Variants in DHX36 observed in about 807,000 individuals in gnomAD.
DHX36 encodes the protein ATP-dependent DNA/RNA helicase DHX36.
Under a neutral mutation model 139.0 loss-of-function variants are expected in DHX36, and 50 were observed. The ratio of observed to expected loss-of-function variants is 0.36; its 90% CI spans 0.29 to 0.46. DHX36 has a LOEUF of 0.46. DHX36 is among the 20% of genes least tolerant of loss of function. DHX36 has a pLI of 1.00. For synonymous variants in DHX36, 425 were observed against 401.9 expected (o/e 1.06, Z -0.69); for missense variants, 1,024 against 1,211.3 (o/e 0.85, Z 2.29).
chr3:154,277,558 C>T, intron 23 of DHX36, 40 bp downstream of exon 23: 2 of 1,553,798 alleles, frequency 1.3e-6, no homozygotes, highest in Non-Finnish European at 1.7e-6. Context: ...TACAATGAGA[C>T]TGATAATCAG....
chr3:154,276,861 A>G lies in DHX36; in HGVS notation c.2727T>C (p.Cys909=), dbSNP rs1016722808. ...LYDCTEVSPY[C]LLFFGGDISI... Reference sequence around the variant, plus strand: ...AAATGTCACCTCCAAAAAACAAGAGACAGTATGGGGAAACCTCTGTGCAGT... The same window carrying G: ...AAATGTCACCTCCAAAAAACAAGAGGCAGTATGGGGAAACCTCTGTGCAGT... Residue 909 remains cysteine, a synonymous_variant, in exon 24 of 25, where the codon TGT becomes TGC. Transcript: ENST00000496811. 6.2e-7 allele frequency: 1 copy of G among 1,613,866 alleles called. No individual in the cohort carries two copies. Among genetic ancestry groups the G allele is most frequent in the Admixed American group, 1.7e-5 (1 of 59,982 alleles).
intron 12 of DHX36, among the ~76,000 whole-genome samples, chr3:154,299,401 TAG>T (rs1202408717): frequency 6.6e-6 from 1 of 152,202 alleles, no homozygotes; most frequent in Non-Finnish European, 1.5e-5. Context: ...TTCATTTCTC[TAG>T]AGTTTATATG....
intron 12 of DHX36, among the ~76,000 whole-genome samples, chr3:154,299,499 G>T (rs1368337762): frequency 6.6e-6 from 1 of 152,028 alleles, no homozygotes; most frequent in African/African-American, 2.4e-5. Flanking sequence ...TCTTAGATTT[G>T]GGGTGATGAT....
At chr3:154,305,288 T>A in intron 6 of DHX36, 120 bp from the exon 7 acceptor site, 1 of 838,436 alleles carries the variant, frequency 1.2e-6, no homozygotes, top group Non-Finnish European at 1.8e-6. Context: ...TCTTCACACT[T>A]AATTTTTTAC....
intron 14 of DHX36, 121 bp downstream of exon 14, chr3:154,293,621 AAAAAAG>A: frequency 1.5e-6 from 1 of 668,874 alleles, no homozygotes; most frequent in Non-Finnish European, 2.5e-6. Flanking sequence ...TCACTGCCAT[AAAAAAG>A]GTTTTATTTT....
intron 1 of DHX36, among the ~76,000 whole-genome samples, chr3:154,317,681 T>G (rs928608998): frequency 6.6e-6 from 1 of 152,040 alleles, no homozygotes; most frequent in Non-Finnish European, 1.5e-5. Flanking sequence ...AACTAGGCAG[T>G]TGGGAATGAT....
chr3:154,277,819 C>T, intron 22 of DHX36, 101 bp from the exon 23 acceptor site: 4 of 1,098,182 alleles, frequency 3.6e-6, no homozygotes, highest in South Asian at 5.4e-5. Context: ...TTGGTAAAAA[C>T]CAAACAAATC....
At position 154,276,770 on chromosome 3, in the gene DHX36, C is replaced by T. The variant is rs1364444849; in HGVS notation, c.2818G>A (p.Ala940Thr). 4 of 1,613,762 alleles carry T rather than the reference C, an allele frequency of 2.5e-6. No homozygotes were observed. Among genetic ancestry groups the T allele is most frequent in the Non-Finnish European group, 3.4e-6 (4 of 1,179,880 alleles). The change falls in exon 24 of 25, where the codon GCA becomes ACA. Residue 940 changes from alanine to threonine, a missense_variant. By Grantham distance (58) the Ala-to-Thr change is moderately conservative (BLOSUM62 0). This residue lies in a region of DHX36 where 470 missense variants were observed against 616.2 expected (regional missense o/e 0.76). Transcript: ENST00000496811. ...ACCTTAACAAGATGGGCAATTCTTG[C>T]TGGAGACTGAAATACAATCCACTCA... Reference protein sequence around the residue: ...VDEWIVFQSPARIAHLVKELR... With the variant: ...VDEWIVFQSPTRIAHLVKELR...
intron 6 of DHX36, among the ~76,000 whole-genome samples, chr3:154,305,615 A>C (rs1712467319): frequency 6.6e-6 from 1 of 152,104 alleles, no homozygotes; most frequent in African/African-American, 2.4e-5. Flanking sequence ...AAAAGTAAAA[A>C]AATTAGCCAG....
chr3:154,310,723 A>G (rs1712699003), intron 4 of DHX36, among the ~76,000 whole-genome samples: 1 of 138,694 alleles, frequency 7.2e-6, no homozygotes, highest in Admixed American at 7.5e-5. Flanking sequence ...AGTTTGCAGT[A>G]AGCCGAGATT....
rs1261160680 is a variant in DHX36 at position 154,276,203 on chromosome 3, G to C, written c.2995C>G (p.Pro999Ala). The change falls in exon 25 of 25, where the codon CCG becomes GCG. Residue 999 changes from proline to alanine, a missense_variant. By Grantham distance (27) the Pro-to-Ala change is conservative. Around this residue, in one of 4 missense-constraint regions of DHX36, gnomAD observed 470 missense variants for 616.2 expected, o/e 0.76. Coordinates refer to ENST00000496811, the MANE Select transcript of DHX36 (RefSeq NM_020865.3). ...TAATATCCATCCTGGAATCGTGGCG[G>C]AAAGTTCCTGGGAGTTGCCTTTTCC... ...TQEKATPRNF[P>A]PRFQDGYYS 2.5e-6 allele frequency: 4 copies of C among 1,612,544 alleles called. No homozygotes were observed. The highest frequency in any genetic ancestry group is 1.7e-6 in the Non-Finnish European group (2 of 1,179,416).
At chr3:154,295,550 A>C (rs1176279601) in intron 12 of DHX36, among the ~76,000 whole-genome samples, 1 of 152,214 alleles carries the variant, frequency 6.6e-6, no homozygotes. Context: ...TTATTTCTAC[A>C]TACAAACAGA....
rs182346564 is a variant in DHX36 at position 154,315,730 on chromosome 3, C to G, written c.368+309G>C. On this transcript the variant is annotated intron_variant, in intron 2 of 24. Coordinates refer to ENST00000496811, the MANE Select transcript of DHX36 (RefSeq NM_020865.3). The stretch of plus-strand genomic sequence containing the variant: ...TCTTGTAATCTTTCTAAAACGGTAG[C>G]AATTTCACTTCTTGCAGATCTCCCA... 1.2e-3 allele frequency among the ~76,000 whole-genome samples: 184 copies of G among 152,136 alleles called. 1 individual carries two copies. The highest frequency in any genetic ancestry group is 0.01 in the Admixed American group (157 of 15,282).
In DHX36 at chr3:154,305,021, C is replaced by T. The variant is rs756853170; in HGVS notation, c.969-49G>A. The T allele has an allele frequency of 3.8e-6, 6 of 1,593,852 alleles. No homozygotes were observed. The African/African-American group carries it at 8.2e-5, about 22-fold the overall frequency. ...AAATTTTAAAACCATTTTTCTTTAACAACTAGTAAAATCCAATTTAATAAT... is the reference window on the plus strand; with the variant it reads ...AAATTTTAAAACCATTTTTCTTTAATAACTAGTAAAATCCAATTTAATAAT... On this transcript the variant is annotated intron_variant, in intron 7 of 24. Coordinates refer to ENST00000496811, the MANE Select transcript of DHX36 (RefSeq NM_020865.3).
At chr3:154,309,908 T>C (rs1311499304) in intron 4 of DHX36, 85 bp from the exon 5 acceptor site, 12 of 1,050,734 alleles carry the variant, frequency 1.1e-5, no homozygotes, top group African/African-American at 3.3e-5. Flanking sequence ...AAACTGAACA[T>C]AGCTATTTTT....
chr3:154,317,957 T>C (rs1449063393), intron 1 of DHX36, among the ~76,000 whole-genome samples: 1 of 152,028 alleles, frequency 6.6e-6, no homozygotes. Flanking sequence ...CTGTATTCTA[T>C]CCCAATTAAA....
At chr3:154,276,672 A>T (rs1392172035) in intron 24 of DHX36, 75 bp downstream of exon 24, 2 of 1,412,640 alleles carry the variant, frequency 1.4e-6, no homozygotes, top group Non-Finnish European at 2.0e-6. Context: ...TAATCTATTT[A>T]ACAGTTAGAA....
rs557802496 is a variant in DHX36, at chr3:154,290,901, G to A, written c.1815-1075C>T. 4.0e-4 allele frequency among the ~76,000 whole-genome samples: 60 copies of A among 151,246 alleles called. 2 individuals carry two copies. The South Asian group carries it at 9.8e-3, about 25-fold the overall frequency. On this transcript the variant is annotated intron_variant, in intron 15 of 24. Coordinates refer to ENST00000496811, the MANE Select transcript of DHX36 (RefSeq NM_020865.3). ...TGTAATCCCAGCACTTTGGGAGGCCGAGGCGGGCGGATCACGAGGTCAGGA... is the reference window on the plus strand; with the variant it reads ...TGTAATCCCAGCACTTTGGGAGGCCAAGGCGGGCGGATCACGAGGTCAGGA...
chr3:154,310,808 T>G (rs1183615952), intron 4 of DHX36, among the ~76,000 whole-genome samples: 2 of 22,878 alleles, frequency 8.7e-5, no homozygotes, highest in South Asian at 3.1e-3. Flanking sequence ...AAAAAAAAAA[T>G]ATATATATAT....
Sources: allele counts gnomAD v4.1 joint callset (sites outside exome capture counted in the v4.1 genomes callset), GRCh38; gene constraint gnomAD v4.1.1; regional missense constraint gnomAD v4.1.1; transcripts MANE v1.5; gene names NCBI Gene and HGNC (gene_info 2026-07-23, HGNC 2026-07-21).